Variants in MEI1 observed in about 807,000 individuals in gnomAD.
MEI1 encodes meiosis inhibitor protein 1.
Under a neutral mutation model 146.2 loss-of-function variants are expected in MEI1, and 103 were observed. The observed-to-expected ratio is 0.70, with a 90% CI of 0.60 to 0.83. The LOEUF (loss-of-function observed/expected upper bound fraction) is 0.83. Ranked by LOEUF, MEI1 falls within the 40% of genes least tolerant of loss-of-function variation. The pLI, the probability that MEI1 is intolerant of heterozygous loss-of-function variation, is 0.00. For missense variants in MEI1, 1,529 were observed against 1,533.0 expected, an observed-to-expected ratio of 1.00 and a Z score of 0.04; for synonymous variants, 652 against 628.2, an observed-to-expected ratio of 1.04 and a Z score of -0.57.
chr22:41,727,181 A>G (rs2071428987), intron 7 of MEI1, among the ~76,000 whole-genome samples: 1 of 151,868 alleles, frequency 6.6e-6, no homozygotes, highest in South Asian at 2.1e-4. Flanking sequence ...CCTCAGATGT[A>G]TCTTTACCAG....
chr22:41,742,292 G>A (rs753350336), intron 11 of MEI1, among the ~76,000 whole-genome samples: 1 of 152,096 alleles, frequency 6.6e-6, no homozygotes, highest in Admixed American at 6.6e-5. Context: ...GTTGATCCTG[G>A]TTTTCCTCGT....
At chr22:41,718,326 T>C (rs1184339193) in intron 6 of MEI1, 52 bp downstream of exon 6, 6 of 1,562,028 alleles carry the variant, frequency 3.8e-6, no homozygotes, top group African/African-American at 1.4e-5. Flanking sequence ...GACATTTTGC[T>C]AGAAGACTTG....
In MEI1 at chr22:41,768,419, A is replaced by C. The variant is rs532818081; in HGVS notation, c.2269-2267A>C. Among the ~76,000 whole-genome samples, 3 of 152,186 alleles carry C rather than the reference A, an allele frequency of 2.0e-5. No homozygotes were observed. In the South Asian group the frequency reaches 6.2e-4, roughly 32 times the overall value. On this transcript the variant is annotated intron_variant, in intron 19 of 30. Transcript: ENST00000401548. The stretch of plus-strand genomic sequence containing the variant: ...AAAAAAAAAAAAATGAAATTAAGGG[A>C]ACAATTCCATTTACAATAGCATCAA...
chr22:41,719,249 G>C (rs1483795217), intron 6 of MEI1, among the ~76,000 whole-genome samples: 2 of 152,074 alleles, frequency 1.3e-5, no homozygotes, highest in Non-Finnish European at 2.9e-5. Context: ...CCAAAGTGCT[G>C]GGATTACAGG....
chr22:41,758,634 C>G, intron 18 of MEI1, 101 bp downstream of exon 18: 1 of 1,229,120 alleles, frequency 8.1e-7, no homozygotes, highest in Non-Finnish European at 1.1e-6. Context: ...ATGCTGGGCA[C>G]TGGGGACACG....
At chr22:41,738,917 T>C (rs1017231588) in intron 11 of MEI1, among the ~76,000 whole-genome samples, 7 of 151,792 alleles carry the variant, frequency 4.6e-5, no homozygotes, top group Non-Finnish European at 8.8e-5. Context: ...CAGTGAGCTA[T>C]GATCACACCG....
chr22:41,788,777 C>T (rs1357708589), intron 26 of MEI1, among the ~76,000 whole-genome samples: 3 of 152,138 alleles, frequency 2.0e-5, no homozygotes, highest in Non-Finnish European at 2.9e-5. Context: ...CACCATTCGC[C>T]TCTCATGCCC....
At chr22:41,755,952 C>G (rs2074066457) in intron 17 of MEI1, among the ~76,000 whole-genome samples, 1 of 151,992 alleles carries the variant, frequency 6.6e-6, no homozygotes, top group African/African-American at 2.4e-5. Context: ...TCCTGTCTTT[C>G]AATCTCTCAT....
chr22:41,761,336 A>T (rs2074476860), intron 18 of MEI1, among the ~76,000 whole-genome samples: 1 of 135,464 alleles, frequency 7.4e-6, no homozygotes. Flanking sequence ...TTTTTTTGAG[A>T]CGGAGACTCA....
intron 21 of MEI1, 125 bp downstream of exon 21, chr22:41,776,392 C>T (rs2075437883): frequency 9.7e-7 from 1 of 1,033,866 alleles, no homozygotes; most frequent in South Asian, 1.6e-5. Flanking sequence ...AAAGCCAGGC[C>T]ATTGTGGCAT....
chr22:41,761,060 T>C (rs554599884), intron 18 of MEI1, among the ~76,000 whole-genome samples: 3 of 152,010 alleles, frequency 2.0e-5, no homozygotes, highest in Non-Finnish European at 2.9e-5. Flanking sequence ...ACCTGTAATC[T>C]CAGCACTTTG....
At chr22:41,762,790 T>C (rs1052851622) in intron 18 of MEI1, among the ~76,000 whole-genome samples, 1 of 152,160 alleles carries the variant, frequency 6.6e-6, no homozygotes, top group African/African-American at 2.4e-5. Context: ...TTTGGTGTTA[T>C]ATCTGTTAAA....
rs541039812 is a variant in MEI1, at chr22:41,728,774, T to C, written c.865-891T>C. Among the ~76,000 whole-genome samples the C allele has an allele frequency of 8.6e-5, 13 of 151,402 alleles. No homozygotes were observed. In the East Asian group the frequency reaches 2.3e-3, roughly 27 times the overall value. On this transcript the variant is annotated intron_variant, in intron 7 of 30. Transcript: ENST00000401548. ...TACTTGAGGGGCTGAGGCAGGAGGA[T>C]TGCTTACGTTGGAGAAGTTGAGGCT...
chr22:41,731,991 T>C (rs2071905360), intron 9 of MEI1, among the ~76,000 whole-genome samples: 1 of 152,090 alleles, frequency 6.6e-6, no homozygotes, highest in Non-Finnish European at 1.5e-5. Context: ...GCTTGGTCAG[T>C]AGGTGTTCAC....
In MEI1 at chr22:41,776,219, C is replaced by A; in HGVS notation, c.2662C>A (p.Leu888Met). The A allele has an allele frequency of 6.2e-7, 1 of 1,613,968 alleles. No homozygotes were observed. The highest frequency in any genetic ancestry group is 8.5e-7 in the Non-Finnish European group (1 of 1,179,886). The change falls in exon 21 of 31, where the codon CTG (leucine) becomes ATG (methionine). Residue 888 changes from leucine to methionine, a missense_variant. Transcript: ENST00000401548. ...CGGTCTTATCCGAGGCCACTTCCTG[C>A]TGATCCTGCAGCGTCTGCTAGTGGA... ...VGGLIRGHFL[L>M]ILQRLLVEHG...
At chr22:41,715,456 C>T (rs943359363) in intron 4 of MEI1, among the ~76,000 whole-genome samples, 5 of 149,720 alleles carry the variant, frequency 3.3e-5, no homozygotes, top group South Asian at 2.1e-4. Context: ...AGTGCAGTGG[C>T]GCAATCTTGG....
rs557774409 is a variant in MEI1 at position 41,746,020 on chromosome 22, G to A, written c.1674G>A (p.Met558Ile). 8.8e-6 allele frequency: 14 copies of A among 1,594,498 alleles called. No individual in the cohort carries two copies. The highest frequency in any genetic ancestry group is 1.1e-5 in the South Asian group (1 of 88,618). Reference protein sequence around the residue: ...LSACDSLCIPMVMRHLEQTTH... With the variant: ...LSACDSLCIPIVMRHLEQTTH... Reference sequence around the variant, plus strand: ...CCTGTGACTCGCTGTGTATCCCCATGGTGATGGTGGGTTCTCCTGAGCCAC... The same window carrying A: ...CCTGTGACTCGCTGTGTATCCCCATAGTGATGGTGGGTTCTCCTGAGCCAC... Residue 558 changes from methionine to isoleucine, a missense_variant, in exon 14 of 31, where the codon ATG (methionine) becomes ATA (isoleucine). By Grantham distance (10) the Met-to-Ile change is conservative (BLOSUM62 1). Transcript: ENST00000401548.
intron 5 of MEI1, 31 bp from the exon 6 acceptor site, chr22:41,718,040 T>G: frequency 6.4e-7 from 1 of 1,556,882 alleles, no homozygotes. Flanking sequence ...TTGTGAAATT[T>G]CCCTTGGCTC....
At chr22:41,712,182 C>A (rs1364172120) in intron 3 of MEI1, among the ~76,000 whole-genome samples, 2 of 73,710 alleles carry the variant, frequency 2.7e-5, no homozygotes, top group African/African-American at 5.3e-5. Context: ...CCAGCCTGGG[C>A]AACAAGAGTA....
Sources: gnomAD v4.1 joint callset for allele counts (sites outside exome capture counted in the v4.1 genomes callset) on GRCh38, gnomAD v4.1.1 for gene constraint, MANE v1.5 for transcripts, NCBI Gene and HGNC (gene_info 2026-07-23, HGNC 2026-07-21) for gene names.